The following ECT2L variants were observed in gnomAD, a reference collection of about 807,000 sequenced individuals.
ECT2L encodes epithelial cell-transforming sequence 2 oncogene-like.
Under a neutral mutation model 122.8 loss-of-function variants are expected in ECT2L, and 126 were observed. The observed-to-expected ratio is 1.03, with a 90% CI of 0.89 to 1.19. ECT2L has a LOEUF of 1.19. Ranked by LOEUF, ECT2L falls within the 50% of genes most tolerant of loss-of-function variation. The probability of loss-of-function intolerance (pLI) is 0.00; values close to 1 mark genes in which losing one functional copy is unlikely to be tolerated. For synonymous variants in ECT2L, 385 were observed against 381.8 expected, an observed-to-expected ratio of 1.01 and a Z score of -0.10; for missense variants, 1,012 against 1,064.1, an observed-to-expected ratio of 0.95 and a Z score of 0.68.
intron 10 of ECT2L, 109 bp downstream of exon 10, chr6:138,854,263 T>C: frequency 7.7e-7 from 1 of 1,305,160 alleles, no homozygotes; most frequent in Middle Eastern, 2.1e-4. Context: ...CATTTCACGC[T>C]TCAATTTCTT....
At chr6:138,863,805 G>A (rs1038742940) in intron 11 of ECT2L, among the ~76,000 whole-genome samples, 1 of 150,820 alleles carries the variant, frequency 6.6e-6, no homozygotes, top group African/African-American at 2.4e-5. Flanking sequence ...TAGTAGAGAC[G>A]GGGTTTCACC....
intron 9 of ECT2L, among the ~76,000 whole-genome samples, chr6:138,850,832 T>A (rs1184979588): frequency 1.3e-5 from 2 of 151,532 alleles, no homozygotes; most frequent in Non-Finnish European, 2.9e-5. Context: ...AGAAACCCCA[T>A]CTCTACTAAA....
chr6:138,832,184 G>GTT (rs35891687), intron 4 of ECT2L, among the ~76,000 whole-genome samples: 33,877 of 144,520 alleles, frequency 0.23, 4,078 homozygotes, highest in Middle Eastern at 0.31. Context: ...TCAAATGTCT[G>GTT]TTTTTTTTTT....
At chr6:138,852,191 C>T (rs756028300) in intron 9 of ECT2L, among the ~76,000 whole-genome samples, 1 of 152,114 alleles carries the variant, frequency 6.6e-6, no homozygotes, top group Non-Finnish European at 1.5e-5. Context: ...AGGATCCCGG[C>T]GGGGCAGAGG....
At chr6:138,847,127 G>A (rs1387988017) in intron 8 of ECT2L, among the ~76,000 whole-genome samples, 2 of 151,204 alleles carry the variant, frequency 1.3e-5, no homozygotes, top group African/African-American at 2.4e-5. Flanking sequence ...AAAAATAGCC[G>A]GGTGTGGTGG....
chr6:138,898,228 T>C (rs780497588), intron 20 of ECT2L, among the ~76,000 whole-genome samples: 8 of 152,206 alleles, frequency 5.3e-5, no homozygotes, highest in Non-Finnish European at 8.8e-5. Context: ...ATTCATTCCT[T>C]TATTCTCAGA....
rs80269634 is a variant in ECT2L at position 138,849,156 on chromosome 6, T to G, written c.904-113T>G. The G allele has an allele frequency of 4.1e-3, 4,397 of 1,079,270 alleles. 158 individuals carry two copies. In the African/African-American group the frequency reaches 0.065, roughly 16 times the overall value. 66.9% of individuals were successfully genotyped at this position (1,079,270 alleles called of 1,614,324 possible). A position where few individuals can be genotyped will look rare whatever the true frequency, so the allele number is the denominator to read the frequency against. ...AGGAAGCTTATCTTCTTCCATAATC[T>G]CTGAAAATTCTTTAGAAATCACGGC... is the stretch of plus-strand genomic sequence containing the variant. On this transcript the variant is annotated intron_variant, in intron 8 of 21. Transcript: ENST00000541398.
At chr6:138,884,466 C>T (rs954780106) in intron 16 of ECT2L, among the ~76,000 whole-genome samples, 19 of 151,804 alleles carry the variant, frequency 1.3e-4, no homozygotes, top group African/African-American at 4.6e-4. Context: ...GGTGAAACCC[C>T]GTCTCTACTA....
intron 4 of ECT2L, among the ~76,000 whole-genome samples, chr6:138,821,754 C>T (rs532001987): frequency 1.4e-4 from 22 of 152,278 alleles, no homozygotes; most frequent in African/African-American, 5.1e-4. Context: ...GTGAGCAGAG[C>T]GGAAAAGGGC....
chr6:138,811,466 C>T (rs1464419896), intron 1 of ECT2L, among the ~76,000 whole-genome samples: 1 of 152,124 alleles, frequency 6.6e-6, no homozygotes, highest in Non-Finnish European at 1.5e-5. Flanking sequence ...GAAGCCTTCA[C>T]CCCCATTATT....
intron 4 of ECT2L, among the ~76,000 whole-genome samples, chr6:138,837,656 AC>A (rs1776887403): frequency 2.1e-5 from 3 of 144,706 alleles, no homozygotes; most frequent in Non-Finnish European, 3.0e-5. Flanking sequence ...AAAAAAAAAA[AC>A]AACAATTAAA....
intron 4 of ECT2L, among the ~76,000 whole-genome samples, chr6:138,829,910 G>GA (rs1776590006): frequency 6.6e-6 from 1 of 152,032 alleles, no homozygotes; most frequent in African/African-American, 2.4e-5. Context: ...TTTTAGTAGA[G>GA]ATGGGGTTTC....
intron 10 of ECT2L, among the ~76,000 whole-genome samples, chr6:138,859,876 G>A (rs1365422688): frequency 6.6e-6 from 1 of 150,678 alleles, no homozygotes; most frequent in African/African-American, 2.4e-5. Context: ...ATGCAATGGC[G>A]CGATCTCGGC....
chr6:138,853,886 G>T (rs941456256), intron 9 of ECT2L, 140 bp from the exon 10 acceptor site: 1 of 890,870 alleles, frequency 1.1e-6, no homozygotes, highest in Non-Finnish European at 1.7e-6. Context: ...GGTACGGGAG[G>T]AAGCAGAGAT....
Position 138,814,568 on chromosome 6 carries a change from C to A in ECT2L, c.144C>A (p.Phe48Leu). 2 of 1,611,270 alleles carry A rather than the reference C, an allele frequency of 1.2e-6. No homozygotes were observed. Among genetic ancestry groups the A allele is most frequent in the East Asian group, 4.5e-5 (2 of 44,824 alleles). Residue 48 changes from phenylalanine (F) to leucine (L), a missense_variant, in exon 4 of 22, where the codon TTC becomes TTA. Phe to Leu is a conservative substitution (Grantham distance 22). Transcript: ENST00000541398. ...ACAAGCAACGTCAAGAATTCTTATT[C>A]GCAATTTTTTTAAGATGCACTAAAT... The part of the protein sequence containing the change: ...WTNKQRQEFL[F>L]AIFLRCTKSQ...
intron 4 of ECT2L, among the ~76,000 whole-genome samples, chr6:138,830,343 C>T (rs575267093): frequency 6.6e-6 from 1 of 152,244 alleles, no homozygotes; most frequent in African/African-American, 2.4e-5. Context: ...CCCTGTGATC[C>T]CTGCTTCAAC....
chr6:138,881,662 C>G (rs1778651056), intron 15 of ECT2L, among the ~76,000 whole-genome samples: 1 of 151,518 alleles, frequency 6.6e-6, no homozygotes, highest in Non-Finnish European at 1.5e-5. Flanking sequence ...TGATGGGAGA[C>G]AAGGACAGAT....
chr6:138,819,769 C>T (rs1265224828), intron 4 of ECT2L, among the ~76,000 whole-genome samples: 2 of 151,928 alleles, frequency 1.3e-5, no homozygotes, highest in Non-Finnish European at 2.9e-5. Context: ...CACCTCTAAT[C>T]CCAGCTATTC....
intron 10 of ECT2L, among the ~76,000 whole-genome samples, chr6:138,859,401 G>A (rs927952787): frequency 4.6e-5 from 7 of 152,178 alleles, no homozygotes; most frequent in Admixed American, 2.0e-4. Context: ...GAATACCTGG[G>A]AGTAGAGTGG....
Sources: gnomAD v4.1 joint callset for allele counts (sites outside exome capture counted in the v4.1 genomes callset) on GRCh38, gnomAD v4.1.1 for gene constraint, MANE v1.5 for transcripts, NCBI Gene and HGNC (gene_info 2026-07-23, HGNC 2026-07-21) for gene names.